The following DLGAP1 variants were observed in gnomAD, a reference collection of about 807,000 sequenced individuals.
The protein encoded by DLGAP1 is DLG associated protein 1.
A neutral mutation model predicts 90.8 loss-of-function variants in DLGAP1; 11 were observed. The observed-to-expected ratio is 0.12, with a 90% CI of 0.08 to 0.20. DLGAP1 has a LOEUF of 0.20. Among genes scored for constraint, DLGAP1 ranks in the 10% least tolerant of loss-of-function variants. DLGAP1 has a pLI of 1.00. For missense variants in DLGAP1, 1,050 were observed against 1,333.8 expected (o/e 0.79, Z 3.31); for synonymous variants, 558 against 540.7 (o/e 1.03, Z -0.44).
intron 7 of DLGAP1, among the ~76,000 whole-genome samples, chr18:3,685,909 C>T (rs548574227): frequency 6.6e-6 from 1 of 152,276 alleles, no homozygotes; most frequent in African/African-American, 2.4e-5. Context: ...GGCAGTGGCT[C>T]ATGCCTGGAA....
chr18:3,548,673 G>A (rs1329644113), intron 9 of DLGAP1, among the ~76,000 whole-genome samples: 3 of 151,970 alleles, frequency 2.0e-5, no homozygotes, highest in African/African-American at 7.3e-5. Flanking sequence ...ATACTTAAAG[G>A]TGAAAAACTA....
intron 7 of DLGAP1, among the ~76,000 whole-genome samples, chr18:3,595,038 C>T (rs755709146): frequency 3.9e-5 from 6 of 152,196 alleles, no homozygotes; most frequent in Non-Finnish European, 8.8e-5. Flanking sequence ...TGGCGGGAAA[C>T]ACCCACGAAA....
At chr18:3,554,542 C>T (rs1599209458) in intron 9 of DLGAP1, among the ~76,000 whole-genome samples, 1 of 152,182 alleles carries the variant, frequency 6.6e-6, no homozygotes, top group Non-Finnish European at 1.5e-5. Flanking sequence ...CGGTCCTCAC[C>T]GCGAGGCAGC....
intron 1 of DLGAP1, among the ~76,000 whole-genome samples, chr18:4,398,402 G>A (rs546272548): frequency 6.6e-6 from 1 of 152,270 alleles, no homozygotes; most frequent in East Asian, 1.9e-4. Context: ...GTCAAATACA[G>A]TGAAAGGGGA....
chr18:4,003,123 C>A (rs546051609), intron 3 of DLGAP1, among the ~76,000 whole-genome samples: 4 of 152,178 alleles, frequency 2.6e-5, no homozygotes. Flanking sequence ...CTTAGAGAAC[C>A]ATGACCCCTC....
At chr18:4,072,721 C>T (rs1163564584) in intron 2 of DLGAP1, among the ~76,000 whole-genome samples, 10 of 152,136 alleles carry the variant, frequency 6.6e-5, no homozygotes, top group East Asian at 1.9e-4. Flanking sequence ...CCACCCACCT[C>T]GGCCTCCCAA....
At chr18:4,203,229 C>G (rs372348995) in intron 1 of DLGAP1, among the ~76,000 whole-genome samples, 1 of 148,768 alleles carries the variant, frequency 6.7e-6, no homozygotes, top group African/African-American at 2.5e-5. Context: ...GAGATGAGAT[C>G]GCGCCACTGC....
intron 3 of DLGAP1, among the ~76,000 whole-genome samples, chr18:3,981,121 G>A (rs1380969550): frequency 6.6e-6 from 1 of 152,164 alleles, no homozygotes; most frequent in Admixed American, 6.5e-5. Context: ...AAGTAGGATT[G>A]TTTGTCTCCA....
At chr18:4,189,922 G>T (rs1023500405) in intron 1 of DLGAP1, among the ~76,000 whole-genome samples, 2 of 152,070 alleles carry the variant, frequency 1.3e-5, no homozygotes, top group African/African-American at 4.8e-5. Flanking sequence ...AGAAGCAACA[G>T]GCGCTCCCAT....
intron 1 of DLGAP1, among the ~76,000 whole-genome samples, chr18:4,391,950 G>A (rs149937411): frequency 1.1e-3 from 165 of 152,300 alleles, no homozygotes; most frequent in Middle Eastern, 3.4e-3. Context: ...CTACAAAGGC[G>A]ATTGAGGTAG....
chr18:4,139,279 C>A (rs939216578), intron 2 of DLGAP1, among the ~76,000 whole-genome samples: 1 of 151,804 alleles, frequency 6.6e-6, no homozygotes, highest in South Asian at 2.1e-4. Flanking sequence ...TTCCTTTTAG[C>A]GCTGCTTTCG....
intron 2 of DLGAP1, among the ~76,000 whole-genome samples, chr18:4,037,891 C>T (rs889605393): frequency 6.6e-6 from 1 of 152,318 alleles, no homozygotes; most frequent in African/African-American, 2.4e-5. Context: ...ACCCAGGAAG[C>T]GGAAGTTGCA....
intron 1 of DLGAP1, among the ~76,000 whole-genome samples, chr18:4,151,915 A>G (rs573958748): frequency 1.3e-5 from 2 of 152,352 alleles, no homozygotes; most frequent in East Asian, 3.9e-4. Context: ...ACCATGGCAC[A>G]TGTATACCTA....
intron 5 of DLGAP1, among the ~76,000 whole-genome samples, chr18:3,786,700 A>C (rs2065465237): frequency 6.6e-6 from 1 of 152,192 alleles, no homozygotes; most frequent in Non-Finnish European, 1.5e-5. Flanking sequence ...GTACCTCAAA[A>C]ATAAGCTAAG....
chr18:3,849,025 GC>G (rs1345117039), intron 4 of DLGAP1, among the ~76,000 whole-genome samples: 1 of 152,168 alleles, frequency 6.6e-6, no homozygotes, highest in Non-Finnish European at 1.5e-5. Context: ...TGGTGATCCA[GC>G]CGTGCTGGAT....
intron 7 of DLGAP1, among the ~76,000 whole-genome samples, chr18:3,615,173 C>CGGCCT (rs2057805084): frequency 6.6e-6 from 1 of 152,218 alleles, no homozygotes; most frequent in Non-Finnish European, 1.5e-5. Flanking sequence ...CCGCCAGCCT[C>CGGCCT]GGCCTCTCAA....
At chr18:4,432,589 A>AGTGTGTGT (rs545618675) in intron 1 of DLGAP1, among the ~76,000 whole-genome samples, 130 of 111,468 alleles carry the variant, frequency 1.2e-3, no homozygotes, top group Middle Eastern at 5.5e-3. Context: ...CACCTCACAT[A>AGTGTGTGT]GTGTGTGTGT....
chr18:3,716,016 AT>A (rs905428619), intron 7 of DLGAP1, among the ~76,000 whole-genome samples: 1 of 152,212 alleles, frequency 6.6e-6, no homozygotes, highest in African/African-American at 2.4e-5. Context: ...TTTAGTATTG[AT>A]TTTTAAAAAG....
chr18:3,700,850 C>T (rs1032546157), intron 7 of DLGAP1, among the ~76,000 whole-genome samples: 1 of 151,822 alleles, frequency 6.6e-6, no homozygotes, highest in Admixed American at 6.6e-5. Context: ...ACCTCATGAT[C>T]CGCCCACCTC....
Sources: allele counts gnomAD v4.1 joint callset (sites outside exome capture counted in the v4.1 genomes callset), GRCh38; gene constraint gnomAD v4.1.1; transcripts MANE v1.5; gene names NCBI Gene and HGNC (gene_info 2026-07-23, HGNC 2026-07-21).